Variants in DNER observed in about 807,000 individuals in gnomAD.
DNER encodes delta and Notch-like epidermal growth factor-related receptor.
Under a neutral mutation model 78.2 loss-of-function variants are expected in DNER, and 33 were observed. The ratio of observed to expected loss-of-function variants is 0.42; its 90% CI spans 0.32 to 0.56. The LOEUF (loss-of-function observed/expected upper bound fraction) is 0.56. DNER is among the 20% of genes least tolerant of loss of function. The pLI is 0.11. For missense variants in DNER, 918 were observed against 975.3 expected (o/e 0.94, Z 0.78); for synonymous variants, 417 against 384.8 (o/e 1.08, Z -0.98).
At chr2:229,678,164 G>A (rs1559206095) in intron 1 of DNER, among the ~76,000 whole-genome samples, 1 of 152,170 alleles carries the variant, frequency 6.6e-6, no homozygotes, top group Non-Finnish European at 1.5e-5. Flanking sequence ...GTTGAAGCAC[G>A]TGTCTTCCAG....
chr2:229,524,656 T>C (rs959906838), intron 5 of DNER, among the ~76,000 whole-genome samples: 2 of 152,274 alleles, frequency 1.3e-5, no homozygotes, highest in Non-Finnish European at 2.9e-5. Flanking sequence ...TCTCTTTTTT[T>C]CCATTAAGAT....
chr2:229,620,256 T>G (rs1234763611), intron 1 of DNER, among the ~76,000 whole-genome samples: 1 of 152,146 alleles, frequency 6.6e-6, no homozygotes, highest in Non-Finnish European at 1.5e-5. Context: ...GGAAATAAAT[T>G]CAGAAAGCAA....
At chr2:229,467,283 A>T (rs1190925651) in intron 7 of DNER, among the ~76,000 whole-genome samples, 1 of 152,220 alleles carries the variant, frequency 6.6e-6, no homozygotes, top group Non-Finnish European at 1.5e-5. Context: ...GGGCTAAATG[A>T]ACTGAGGAGA....
rs1202351240 is a variant in DNER at position 229,401,844 on chromosome 2, C to T, written c.1723+5388G>A. 4.6e-5 allele frequency among the ~76,000 whole-genome samples: 7 copies of T among 152,016 alleles called. No individual in the cohort carries two copies. In the East Asian group the frequency reaches 1.4e-3, roughly 29 times the overall value. On this transcript the variant is annotated intron_variant, in intron 10 of 12. Coordinates refer to ENST00000341772, the MANE Select transcript of DNER (RefSeq NM_139072.4). ...TCAAACTAAAATTTTGAAAAACTAGCCAGAGAAAAATAGACCCATATATAA... is the reference window on the plus strand; with the variant it reads ...TCAAACTAAAATTTTGAAAAACTAGTCAGAGAAAAATAGACCCATATATAA...
intron 1 of DNER, among the ~76,000 whole-genome samples, chr2:229,704,773 G>T (rs923622078): frequency 6.6e-6 from 1 of 152,160 alleles, no homozygotes; most frequent in African/African-American, 2.4e-5. Context: ...CAAGAAGAGT[G>T]AATTTTACTG....
chr2:229,588,635 T>C (rs929126382), intron 2 of DNER, 147 bp from the exon 3 acceptor site: 2 of 646,318 alleles, frequency 3.1e-6, no homozygotes, highest in South Asian at 4.0e-5. Context: ...AGTGAAGCCT[T>C]ACAAACTCAA....
At chr2:229,688,621 G>A (rs1366554000) in intron 1 of DNER, among the ~76,000 whole-genome samples, 1 of 152,098 alleles carries the variant, frequency 6.6e-6, no homozygotes, top group Non-Finnish European at 1.5e-5. Context: ...CTAACACTAG[G>A]ACCTTTAAAA....
rs1306171582 is a variant in DNER at position 229,714,395 on chromosome 2, C to A, written c.29G>T (p.Gly10Val). The A allele has an allele frequency of 6.7e-6, 8 of 1,186,452 alleles. No individual in the cohort carries two copies. Among genetic ancestry groups the A allele is most frequent in the Admixed American group, 4.6e-5 (1 of 21,784 alleles). The allele number at this position is 1,186,452 out of a possible 1,614,324, so 73.5% of individuals were successfully genotyped here. A position where few individuals can be genotyped will look rare whatever the true frequency, so the allele number is the denominator to read the frequency against. The change falls in exon 1 of 13, where the codon GGT (glycine) becomes GTT (valine). Residue 10 changes from glycine to valine, a missense_variant. By Grantham distance (109) the Gly-to-Val change is moderately radical. Transcript: ENST00000341772. ...GGCCAGCGCGGGCAGCAGCTGCGCA[C>A]CGGGCGCCTGGGCGCGGCGGGGCTG... MQPRRAQAP[G>V]AQLLPALALL...
chr2:229,539,208 G>A (rs750352012), intron 5 of DNER, among the ~76,000 whole-genome samples: 41 of 152,274 alleles, frequency 2.7e-4, no homozygotes, highest in Admixed American at 5.2e-4. Flanking sequence ...AATGTCTCAT[G>A]AGGACCTTTG....
At chr2:229,401,440 G>C (rs1283938653) in intron 10 of DNER, among the ~76,000 whole-genome samples, 2 of 151,870 alleles carry the variant, frequency 1.3e-5, no homozygotes, top group Non-Finnish European at 2.9e-5. Flanking sequence ...CTTTCAACAG[G>C]GGACTGGTTA....
At chr2:229,693,653 A>C (rs760314755) in intron 1 of DNER, among the ~76,000 whole-genome samples, 1 of 152,202 alleles carries the variant, frequency 6.6e-6, no homozygotes, top group Non-Finnish European at 1.5e-5. Context: ...TGCTATGCAA[A>C]GAGACTGGCA....
intron 1 of DNER, among the ~76,000 whole-genome samples, chr2:229,596,721 G>A (rs1452496684): frequency 2.0e-5 from 3 of 152,216 alleles, no homozygotes; most frequent in East Asian, 3.8e-4. Context: ...AATACCCTAA[G>A]TGCTCTTGTC....
chr2:229,492,306 C>T (rs1695417731), intron 6 of DNER, among the ~76,000 whole-genome samples: 1 of 152,046 alleles, frequency 6.6e-6, no homozygotes, highest in Non-Finnish European at 1.5e-5. Flanking sequence ...GCTTGAAGCC[C>T]TGACGTACCA....
At chr2:229,512,169 G>A (rs1695875698) in intron 6 of DNER, among the ~76,000 whole-genome samples, 1 of 152,158 alleles carries the variant, frequency 6.6e-6, no homozygotes, top group African/African-American at 2.4e-5. Context: ...GATCACCTGA[G>A]GTCAGAAGTT....
intron 11 of DNER, 44 bp from the exon 12 acceptor site, chr2:229,367,163 T>A (rs770592104): frequency 1.9e-6 from 3 of 1,609,174 alleles, no homozygotes. Flanking sequence ...AGTTGTCACC[T>A]TTGAGAATGA....
At chr2:229,402,276 T>C (rs1368961356) in intron 10 of DNER, among the ~76,000 whole-genome samples, 1 of 152,190 alleles carries the variant, frequency 6.6e-6, no homozygotes, top group East Asian at 1.9e-4. Flanking sequence ...ATGTAAAGAA[T>C]TCTTTGAAAT....
At chr2:229,568,032 TCACAG>T (rs2154213931) in intron 4 of DNER, among the ~76,000 whole-genome samples, 1 of 152,256 alleles carries the variant, frequency 6.6e-6, no homozygotes, top group South Asian at 2.1e-4. Flanking sequence ...CTAACACGGA[TCACAG>T]CATAAAAGAC....
intron 7 of DNER, among the ~76,000 whole-genome samples, chr2:229,460,861 A>G (rs920617369): frequency 8.0e-6 from 1 of 124,706 alleles, no homozygotes; most frequent in African/African-American, 4.1e-5. Context: ...CGGAGACCAC[A>G]TGTGAAACAA....
At chr2:229,517,240 G>A (rs780533866) in intron 5 of DNER, among the ~76,000 whole-genome samples, 1 of 152,178 alleles carries the variant, frequency 6.6e-6, no homozygotes, top group Non-Finnish European at 1.5e-5. Context: ...GCCAGGCACT[G>A]TTCTAGGAGC....
Sources: gnomAD v4.1 joint callset for allele counts (sites outside exome capture counted in the v4.1 genomes callset) on GRCh38, gnomAD v4.1.1 for gene constraint, MANE v1.5 for transcripts, NCBI Gene and HGNC (gene_info 2026-07-23, HGNC 2026-07-21) for gene names.